Variants in RALGAPA1 observed in about 807,000 individuals in gnomAD.
RALGAPA1 encodes Ral GTPase activating protein catalytic subunit alpha 1, also known as ral GTPase-activating protein subunit alpha-1.
RALGAPA1 carries 52 observed loss-of-function variants against 269.6 expected under a neutral mutation model. That is an observed-to-expected ratio of 0.19 (90% CI 0.15 to 0.24). The LOEUF is 0.24. RALGAPA1 is among the 10% of genes least tolerant of loss of function. RALGAPA1 has a pLI of 1.00. For missense variants in RALGAPA1, 1,917 were observed against 3,013.9 expected, an observed-to-expected ratio of 0.64 and a Z score of 8.52; for synonymous variants, 817 against 1,008.3, an observed-to-expected ratio of 0.81 and a Z score of 3.60.
intron 12 of RALGAPA1, among the ~76,000 whole-genome samples, chr14:35,729,869 T>C (rs533252066): frequency 7.9e-5 from 12 of 152,340 alleles, no homozygotes; most frequent in African/African-American, 2.2e-4. Flanking sequence ...GAGATCATCA[T>C]GGCTGACGGG....
At chr14:35,667,749 G>T (rs570313406) in intron 26 of RALGAPA1, among the ~76,000 whole-genome samples, 1 of 152,286 alleles carries the variant, frequency 6.6e-6, no homozygotes, top group African/African-American at 2.4e-5. Flanking sequence ...CAGTAAGGAG[G>T]TTCCTCGAAA....
At position 35,689,248 on chromosome 14, in the gene RALGAPA1, A is replaced by AGATAGCCCTAGTTT. The variant is rs1201006722; in HGVS notation, c.3162_3163insAAACTAGGGCTATC (p.Cys1055LysfsTer22). ...AGATGTTTCCTTTTTTCTTTATCAC[A>AGATAGCCCTAGTTT]AGGGCTATCTAAACTAGGCTCTGAT... On this transcript the variant is annotated frameshift_variant, in exon 18 of 42. Coordinates refer to ENST00000680220, the MANE Select transcript of RALGAPA1 (RefSeq NM_001346249.2). LOFTEE classifies it high-confidence loss of function. 4.9e-6 allele frequency: 6 copies of AGATAGCCCTAGTTT among 1,232,182 alleles called. No individual in the cohort carries two copies. Among genetic ancestry groups the AGATAGCCCTAGTTT allele is most frequent in the Non-Finnish European group, 6.1e-6 (6 of 988,154 alleles). The allele number at this position is 1,232,182 out of a possible 1,614,324, so 76.3% of individuals were successfully genotyped here. A position where few individuals can be genotyped will look rare whatever the true frequency, so the allele number is the denominator to read the frequency against.
intron 35 of RALGAPA1, among the ~76,000 whole-genome samples, chr14:35,611,958 C>G (rs1256442981): frequency 6.6e-6 from 1 of 152,174 alleles, no homozygotes; most frequent in East Asian, 1.9e-4. Flanking sequence ...GGAACAGAAT[C>G]ATGTGACCAG....
chr14:35,641,066 C>CA (rs764409938), intron 31 of RALGAPA1, among the ~76,000 whole-genome samples: 5 of 151,930 alleles, frequency 3.3e-5, no homozygotes, highest in African/African-American at 9.6e-5. Flanking sequence ...CCTCCCCCCA[C>CA]AAAAAAACTG....
chr14:35,684,042 C>T (rs1453465567), intron 20 of RALGAPA1, 57 bp from the exon 21 acceptor site: 19 of 1,418,190 alleles, frequency 1.3e-5, no homozygotes, highest in South Asian at 2.5e-5. Context: ...AAAATATTTA[C>T]GAGAGCTAAA....
At chr14:35,665,541 C>A (rs1437131546) in intron 26 of RALGAPA1, among the ~76,000 whole-genome samples, 1 of 152,096 alleles carries the variant, frequency 6.6e-6, no homozygotes, top group Non-Finnish European at 1.5e-5. Context: ...AAATTAAGAA[C>A]CAACCTCCAA....
intron 13 of RALGAPA1, among the ~76,000 whole-genome samples, chr14:35,726,574 G>C (rs1192143625): frequency 6.6e-6 from 1 of 151,992 alleles, no homozygotes; most frequent in Non-Finnish European, 1.5e-5. Context: ...GATCGCTTCA[G>C]CCCAGGAGCT....
intron 12 of RALGAPA1, among the ~76,000 whole-genome samples, chr14:35,729,566 A>G (rs913468128): frequency 1.3e-5 from 2 of 152,150 alleles, no homozygotes; most frequent in Non-Finnish European, 2.9e-5. Flanking sequence ...AAAGGAAAAG[A>G]CAAATGGAGC....
At chr14:35,733,797 A>G (rs546769788) in intron 12 of RALGAPA1, among the ~76,000 whole-genome samples, 2 of 152,056 alleles carry the variant, frequency 1.3e-5, no homozygotes, top group African/African-American at 4.8e-5. Flanking sequence ...CTTTGAAAAG[A>G]TAAATAAAAT....
chr14:35,664,832 C>A, intron 26 of RALGAPA1, 65 bp from the exon 27 acceptor site: 1 of 1,499,182 alleles, frequency 6.7e-7, no homozygotes, highest in Non-Finnish European at 9.1e-7. Flanking sequence ...AGAAAAGTTG[C>A]TTTGTTATCC....
intron 37 of RALGAPA1, among the ~76,000 whole-genome samples, chr14:35,585,918 T>G (rs1004827267): frequency 5.9e-5 from 9 of 152,002 alleles, no homozygotes; most frequent in South Asian, 2.1e-4. Flanking sequence ...TTGCTTAGGA[T>G]TGTCTTGGCA....
rs571950035 is a variant in RALGAPA1 at position 35,688,309 on chromosome 14, A to G, written c.3952+150T>C. On this transcript the variant is annotated intron_variant, in intron 18 of 41. Transcript: ENST00000680220. ...ATAAACATTCTATGCTGGGAAAAAT[A>G]CAGCTGGGAAAAGGCGCATGCATAA... 4.8e-4 allele frequency: 383 copies of G among 789,710 alleles called. 1 individual carries two copies. The highest frequency in any genetic ancestry group is 2.8e-4 in the Admixed American group (10 of 36,188). The allele number at this position is 789,710 out of a possible 1,614,324, so 48.9% of individuals were successfully genotyped here.
chr14:35,796,882 G>A (rs546318594), intron 1 of RALGAPA1, among the ~76,000 whole-genome samples: 22 of 151,964 alleles, frequency 1.4e-4, no homozygotes, highest in African/African-American at 5.3e-4. Context: ...CTGCCTCCTG[G>A]GTTCAAGCAA....
At chr14:35,768,975 T>G (rs2074367875) in intron 4 of RALGAPA1, among the ~76,000 whole-genome samples, 1 of 110,878 alleles carries the variant, frequency 9.0e-6, no homozygotes, top group Non-Finnish European at 1.7e-5. Context: ...GCCACTGTAC[T>G]CCAGCCTGGG....
Position 35,605,720 on chromosome 14 carries a change from A to C in RALGAPA1, c.6930-11T>G, listed in dbSNP as rs1303230259. ...TTGTGTGTCTCTCGGCTATAAAACA[A>C]AAGATTACACCATTAATTTAATCAC... On this transcript the variant is annotated splice_polypyrimidine_tract_variant and intron_variant, in intron 35 of 41. Transcript: ENST00000680220. The C allele has an allele frequency of 6.2e-7, 1 of 1,603,656 alleles. No homozygotes were observed. Among genetic ancestry groups the C allele is most frequent in the East Asian group, 2.2e-5 (1 of 44,704 alleles).
intron 37 of RALGAPA1, among the ~76,000 whole-genome samples, chr14:35,579,140 GA>G (rs906065284): frequency 7.9e-5 from 12 of 152,152 alleles, no homozygotes; most frequent in African/African-American, 4.8e-5. Context: ...ATAATGTGGA[GA>G]AAAAACATTT....
intron 35 of RALGAPA1, among the ~76,000 whole-genome samples, chr14:35,623,082 CAA>C (rs71445949): frequency 1.6e-4 from 14 of 89,884 alleles, no homozygotes; most frequent in Admixed American, 7.6e-4. Flanking sequence ...GACTCTGTCT[CAA>C]AAAAAAAAAA....
In RALGAPA1 at chr14:35,752,082, G is replaced by A; in HGVS notation, c.744C>T (p.Tyr248=). ...SFLFSHFKKY[Y]LPYIFPNICK... ...AGATGTTTGGAAAAATATAAGGCAAGTAATATTTCTTAAAATGTGAAAACA... is the reference window on the plus strand; with the variant it reads ...AGATGTTTGGAAAAATATAAGGCAAATAATATTTCTTAAAATGTGAAAACA... Residue 248 remains tyrosine, a synonymous_variant, in exon 8 of 42, where the codon TAC becomes TAT. Coordinates refer to ENST00000680220, the MANE Select transcript of RALGAPA1 (RefSeq NM_001346249.2). 1 of 1,587,140 alleles carries A rather than the reference G, an allele frequency of 6.3e-7. No homozygotes were observed.
intron 31 of RALGAPA1, among the ~76,000 whole-genome samples, chr14:35,646,620 G>C (rs762886282): frequency 1.8e-4 from 27 of 152,148 alleles, no homozygotes; most frequent in Non-Finnish European, 3.2e-4. Context: ...AGGCTAAAGA[G>C]ACATTATGAC....
Sources: gnomAD v4.1 joint callset for allele counts (sites outside exome capture counted in the v4.1 genomes callset) on GRCh38, gnomAD v4.1.1 for gene constraint, MANE v1.5 for transcripts, NCBI Gene and HGNC (gene_info 2026-07-23, HGNC 2026-07-21) for gene names.